DDX4: variants seen among roughly 807,000 people sequenced by gnomAD.
DDX4 encodes DEAD-box helicase 4.
In DDX4, 25 loss-of-function variants were observed where a neutral mutation model predicts 100.0. The ratio of observed to expected loss-of-function variants is 0.25; its 90% CI spans 0.18 to 0.35. The LOEUF is 0.35. Ranked by LOEUF, DDX4 falls within the 10% of genes least tolerant of loss-of-function variation. DDX4 has a pLI of 1.00. For synonymous variants in DDX4, 259 were observed against 275.7 expected (o/e 0.94, Z 0.60); for missense variants, 635 against 882.4 (o/e 0.72, Z 3.55).
intron 3 of DDX4, among the ~76,000 whole-genome samples, chr5:55,751,315 C>G (rs906388107): frequency 5.9e-5 from 9 of 152,214 alleles, no homozygotes; most frequent in African/African-American, 2.2e-4. Flanking sequence ...CTCACTGCAG[C>G]TTCAATCTCC....
Position 55,781,935 on chromosome 5 carries a change from T to G in DDX4, c.579T>G (p.Gly193=), listed in dbSNP as rs1741938075. ...ATGTTGTGAAACAATGCCTTACAGG[T>G]AATGGTGATACTTCTCAAAGCAGAA... ...GSRRPVLSGT[G]NGDTSQSRSG... Residue 193 remains glycine, a splice_region_variant and synonymous_variant, in exon 10 of 22, where the codon GGT becomes GGG. Transcript: ENST00000505374. The G allele has an allele frequency of 6.2e-7, 1 of 1,613,908 alleles. No individual in the cohort carries two copies. Among genetic ancestry groups the G allele is most frequent in the South Asian group, 1.1e-5 (1 of 91,054 alleles).
intron 3 of DDX4, among the ~76,000 whole-genome samples, chr5:55,758,071 A>G (rs1463977670): frequency 6.6e-6 from 1 of 152,116 alleles, no homozygotes; most frequent in Non-Finnish European, 1.5e-5. Flanking sequence ...AAAAATTCTC[A>G]TGCACATTTG....
chr5:55,797,137 C>T (rs1305368166), intron 17 of DDX4, among the ~76,000 whole-genome samples: 1 of 152,144 alleles, frequency 6.6e-6, no homozygotes, highest in East Asian at 1.9e-4. Context: ...AGCCACTGTG[C>T]CCCGCCTCAA....
chr5:55,780,029 C>A lies in DDX4; in HGVS notation c.460C>A (p.Arg154=), dbSNP rs1469934600. ...CAGAAGAGGTGGAAGAGGTAGTTTC[C>A]GAGGTTGCCGTGGAGGATTTGGTCT... ...PYRRGGRGSF[R]GCRGGFGLGS... The change falls in exon 8 of 22, where the codon CGA becomes AGA. Residue 154 remains arginine (R), a synonymous_variant. Transcript: ENST00000505374. 1 of 1,613,806 alleles carries A rather than the reference C, an allele frequency of 6.2e-7. No individual in the cohort carries two copies.
rs148118129 is a variant in DDX4 at position 55,785,269 on chromosome 5, G to T, written c.626-28G>T. 4.6e-6 allele frequency: 7 copies of T among 1,513,690 alleles called. No individual in the cohort carries two copies. In the African/African-American group the frequency reaches 8.3e-5, roughly 18 times the overall value. The allele number at this position is 1,513,690 out of a possible 1,614,324, so 93.8% of individuals were successfully genotyped here. On this transcript the variant is annotated intron_variant, in intron 10 of 21. Transcript: ENST00000505374. ...ATGTGCACAGCCTTACATCTTGACC[G>T]ATTGTCACTTATGAATTTCTTTAAT...
Position 55,814,884 on chromosome 5 carries a change from C to T in DDX4, c.1716-17C>T. ...TTTTAAGAGTGGTTCTAATAACATG[C>T]TTTCTTTTCTTTCAAGTGATCGGGA... On this transcript the variant is annotated splice_polypyrimidine_tract_variant and intron_variant, in intron 19 of 21. Coordinates refer to ENST00000505374, the MANE Select transcript of DDX4 (RefSeq NM_024415.3). 1.3e-6 allele frequency: 2 copies of T among 1,597,562 alleles called. No individual in the cohort carries two copies. The highest frequency in any genetic ancestry group is 1.3e-5 in the African/African-American group (1 of 74,086).
intron 17 of DDX4, among the ~76,000 whole-genome samples, chr5:55,793,683 C>T (rs1255057390): frequency 6.6e-6 from 1 of 152,174 alleles, no homozygotes; most frequent in Non-Finnish European, 1.5e-5. Context: ...GTAGTGCTTG[C>T]TCTCCTGGAT....
At chr5:55,747,774 C>T (rs1050660012) in intron 3 of DDX4, among the ~76,000 whole-genome samples, 1 of 152,162 alleles carries the variant, frequency 6.6e-6, no homozygotes, top group Admixed American at 6.5e-5. Context: ...CATCTACTTC[C>T]GGTGAATTTG....
chr5:55,815,843 C>T (rs1320953021), intron 21 of DDX4, among the ~76,000 whole-genome samples: 8 of 148,860 alleles, frequency 5.4e-5, no homozygotes, highest in Non-Finnish European at 1.2e-4. Flanking sequence ...ATGATCTTGG[C>T]TCACTGCAAC....
chr5:55,813,924 A>C, intron 19 of DDX4, 152 bp downstream of exon 19: 1 of 979,768 alleles, frequency 1.0e-6, no homozygotes, highest in Non-Finnish European at 1.4e-6. Context: ...TATGAGGAAA[A>C]GGATAATACC....
chr5:55,798,349 C>T (rs1580592558), intron 17 of DDX4, 77 bp from the exon 18 acceptor site: 2 of 1,460,946 alleles, frequency 1.4e-6, no homozygotes, highest in East Asian at 4.6e-5. Flanking sequence ...TGAGATAACA[C>T]CTACAGGAAT....
At chr5:55,806,523 T>C (rs908282112) in intron 18 of DDX4, among the ~76,000 whole-genome samples, 3 of 152,240 alleles carry the variant, frequency 2.0e-5, no homozygotes, top group African/African-American at 7.2e-5. Flanking sequence ...TGGTATGTTG[T>C]GTCTTTGTTC....
At chr5:55,752,034 T>C (rs1487482757) in intron 3 of DDX4, among the ~76,000 whole-genome samples, 1 of 152,194 alleles carries the variant, frequency 6.6e-6, no homozygotes, top group Non-Finnish European at 1.5e-5. Context: ...AAAAAAGGAA[T>C]CTTTGACGCT....
chr5:55,758,291 A>G (rs1315723923), intron 3 of DDX4, among the ~76,000 whole-genome samples: 1 of 152,050 alleles, frequency 6.6e-6, no homozygotes, highest in Non-Finnish European at 1.5e-5. Context: ...GTCATAATAT[A>G]TTTTATCCAT....
chr5:55,743,260 CTT>C (rs1759082135), intron 2 of DDX4, among the ~76,000 whole-genome samples: 1 of 152,122 alleles, frequency 6.6e-6, no homozygotes, highest in African/African-American at 2.4e-5. Context: ...CTGCATATCT[CTT>C]AGCTCTGTCT....
chr5:55,809,024 C>A (rs1176525530), intron 18 of DDX4, among the ~76,000 whole-genome samples: 2 of 152,210 alleles, frequency 1.3e-5, no homozygotes, highest in African/African-American at 4.8e-5. Context: ...GGCAGGTGCC[C>A]CTCCCCTAGC....
intron 18 of DDX4, among the ~76,000 whole-genome samples, chr5:55,802,564 C>T (rs891355645): frequency 3.9e-5 from 6 of 152,188 alleles, no homozygotes; most frequent in African/African-American, 1.4e-4. Flanking sequence ...AAATCTCACT[C>T]AGTCCAGTGA....
intron 2 of DDX4, among the ~76,000 whole-genome samples, chr5:55,741,538 A>C (rs904164021): frequency 6.6e-6 from 1 of 152,354 alleles, no homozygotes; most frequent in South Asian, 2.1e-4. Context: ...CTGTAATCCC[A>C]GCACTTTGGG....
At chr5:55,791,377 C>T (rs923721604) in intron 16 of DDX4, among the ~76,000 whole-genome samples, 4 of 152,190 alleles carry the variant, frequency 2.6e-5, no homozygotes, top group Non-Finnish European at 5.9e-5. Context: ...ATAAACACAC[C>T]TTTCTTAGTA....
Sources: allele counts gnomAD v4.1 joint callset (sites outside exome capture counted in the v4.1 genomes callset), GRCh38; gene constraint gnomAD v4.1.1; transcripts MANE v1.5; gene names NCBI Gene and HGNC (gene_info 2026-07-23, HGNC 2026-07-21).